Variants in MDH2 observed in about 807,000 individuals in gnomAD.
MDH2 encodes the protein malate dehydrogenase, mitochondrial.
A neutral mutation model predicts 33.6 loss-of-function variants in MDH2; 25 were observed. That is an observed-to-expected ratio of 0.74 (90% confidence interval 0.54 to 1.04). The LOEUF (loss-of-function observed/expected upper bound fraction) is 1.04, where lower values mean the gene tolerates loss of function less well. MDH2 is among the 50% of genes least tolerant of loss of function. The pLI is 0.00. For synonymous variants in MDH2, 193 were observed against 188.7 expected (o/e 1.02, Z -0.19); for missense variants, 432 against 445.0 (o/e 0.97, Z 0.26).
At position 76,060,448 on chromosome 7, in the gene MDH2, G is replaced by T; in HGVS notation, c.505G>T (p.Val169Leu). 6.2e-7 allele frequency: 1 copy of T among 1,614,126 alleles called. No homozygotes were observed. The change falls in exon 5 of 9, where the codon GTG becomes TTG. Residue 169 changes from valine (V) to leucine (L), a missense_variant. By Grantham distance (32) the Val-to-Leu change is conservative (BLOSUM62 1). Transcript: ENST00000315758. ...GTACAACCCCAACAAAATCTTCGGCGTGACGACCCTGGACATCGTCAGAGC... is the reference window on the plus strand; with the variant it reads ...GTACAACCCCAACAAAATCTTCGGCTTGACGACCCTGGACATCGTCAGAGC... ...GVYNPNKIFG[V>L]TTLDIVRANT...
intron 1 of MDH2, among the ~76,000 whole-genome samples, chr7:76,050,899 T>C (rs1797603799): frequency 6.6e-6 from 1 of 152,172 alleles, no homozygotes; most frequent in African/African-American, 2.4e-5. Context: ...TTTTATTTAT[T>C]TACTGAGAGT....
intron 7 of MDH2, 117 bp from the exon 8 acceptor site, chr7:76,064,681 GCTGA>G: frequency 8.5e-7 from 1 of 1,171,348 alleles, no homozygotes; most frequent in Non-Finnish European, 1.2e-6. Flanking sequence ...AAATCGGGGT[GCTGA>G]CTGAAATTCT....
intron 1 of MDH2, chr7:76,049,195 C>A: frequency 1.3e-6 from 1 of 792,966 alleles, no homozygotes; most frequent in Non-Finnish European, 1.5e-6. Context: ...TTGATGGCTA[C>A]TTCCCATACC....
intron 7 of MDH2, 52 bp from the exon 8 acceptor site, chr7:76,064,750 T>C: frequency 1.3e-6 from 2 of 1,553,746 alleles, no homozygotes. Flanking sequence ...CCGGCTCACC[T>C]GGGCGTCACG....
chr7:76,064,310 A>G, intron 6 of MDH2, 29 bp from the exon 7 acceptor site: 1 of 1,581,270 alleles, frequency 6.3e-7, no homozygotes. Context: ...GCCGGAAGCC[A>G]CTCACTGATC....
chr7:76,053,075 C>G (rs1797670527), intron 1 of MDH2, among the ~76,000 whole-genome samples: 1 of 152,242 alleles, frequency 6.6e-6, no homozygotes, highest in African/African-American at 2.4e-5. Flanking sequence ...TGCTGAGTAC[C>G]TAAGTTAGAT....
Position 76,064,952 on chromosome 7 carries a change from G to C in MDH2, c.884G>C (p.Gly295Ala), listed in dbSNP as rs782048786. Residue 295 changes from glycine to alanine, a missense_variant and splice_region_variant, in exon 8 of 9, where the codon GGG becomes GCG. Coordinates refer to ENST00000315758, the MANE Select transcript of MDH2 (RefSeq NM_005918.4). ...CTYFSTPLLL[G>A]KKGIEKNLGI... ...TACTTCTCCACACCGCTGCTGCTTG[G>C]GGTACGTATCCAGGCGTGGGTCCTT... The C allele has an allele frequency of 2.5e-6, 4 of 1,614,096 alleles. No individual in the cohort carries two copies. The Admixed American group carries it at 6.7e-5, about 27-fold the overall frequency.
rs781786949 is a variant in MDH2 at position 76,048,206 on chromosome 7, A to G, written c.46A>G (p.Ser16Gly). The stretch of plus-strand genomic sequence containing the variant: ...GCCTGCCAGCGCTGCTCTCCGCCGC[A>G]GCTTCAGCACCTCGGCCCAGGTAGG... ...ARPASAALRR[S>G]FSTSAQNNAK... Residue 16 changes from serine (S) to glycine (G), a missense_variant, in exon 1 of 9, where the codon AGC becomes GGC. Ser to Gly is a moderately conservative substitution (Grantham distance 56). Transcript: ENST00000315758. 7.8e-6 allele frequency: 12 copies of G among 1,536,046 alleles called. No homozygotes were observed. The Admixed American group carries it at 2.3e-4, about 30-fold the overall frequency.
At chr7:76,051,295 G>A (rs1201865186) in intron 1 of MDH2, among the ~76,000 whole-genome samples, 4 of 151,890 alleles carry the variant, frequency 2.6e-5, no homozygotes, top group African/African-American at 7.3e-5. Flanking sequence ...TGAGCCCATG[G>A]TGCAGTGGTC....
In MDH2 at chr7:76,064,883, T is replaced by G; in HGVS notation, c.815T>G (p.Val272Gly). ...GATGCAATGAATGGAAAGGAAGGTG[T>G]TGTGGAATGTTCCTTCGTTAAGTCA... ...LVDAMNGKEG[V>G]VECSFVKSQE... The change falls in exon 8 of 9, where the codon GTT (valine) becomes GGT (glycine). Residue 272 changes from valine (V) to glycine (G), a missense_variant. Val to Gly is a moderately radical substitution (Grantham distance 109). Transcript: ENST00000315758. 6.2e-7 allele frequency: 1 copy of G among 1,614,138 alleles called. No homozygotes were observed. The highest frequency in any genetic ancestry group is 8.5e-7 in the Non-Finnish European group (1 of 1,180,020).
intron 1 of MDH2, chr7:76,048,767 C>A: frequency 1.6e-6 from 2 of 1,228,246 alleles, no homozygotes; most frequent in Non-Finnish European, 2.0e-6. Context: ...TCCTCTTAAC[C>A]TTTTTGGAGG....
At chr7:76,061,699 GC>G (rs1797955655) in intron 5 of MDH2, among the ~76,000 whole-genome samples, 2 of 151,616 alleles carry the variant, frequency 1.3e-5, no homozygotes, top group African/African-American at 4.8e-5. Flanking sequence ...ATGTCCAGAG[GC>G]CCCCGGGATT....
At chr7:76,048,287 C>G (rs1343443643) in intron 1 of MDH2, 61 bp downstream of exon 1, 10 of 1,508,504 alleles carry the variant, frequency 6.6e-6, no homozygotes, top group African/African-American at 2.8e-5. Flanking sequence ...ACGTGCGTCC[C>G]CGGTTCGCGG....
At chr7:76,054,392 C>A in intron 1 of MDH2, 1 of 197,654 alleles carries the variant, frequency 5.1e-6, no homozygotes, top group South Asian at 8.2e-5. Flanking sequence ...TGACAGTGTT[C>A]TCCCTGCTCC....
chr7:76,052,430 C>CG (rs1797653391), intron 1 of MDH2, among the ~76,000 whole-genome samples: 1 of 128,754 alleles, frequency 7.8e-6, no homozygotes, highest in African/African-American at 3.3e-5. Context: ...GACCCTATCT[C>CG]AAAAAAAAAA....
intron 6 of MDH2, 48 bp from the exon 7 acceptor site, chr7:76,064,291 G>C (rs1554587440): frequency 6.8e-7 from 1 of 1,476,520 alleles, no homozygotes; most frequent in Admixed American, 1.9e-5. Flanking sequence ...AGTGGGTCTG[G>C]GGTCATGGGC....
chr7:76,059,217 T>G (rs1367029242), intron 4 of MDH2, among the ~76,000 whole-genome samples: 1 of 152,232 alleles, frequency 6.6e-6, no homozygotes, highest in African/African-American at 2.4e-5. Flanking sequence ...GTGCTGGGAT[T>G]ACAGGCATGA....
intron 1 of MDH2, among the ~76,000 whole-genome samples, chr7:76,049,830 C>G (rs1380896470): frequency 1.3e-5 from 2 of 151,964 alleles, no homozygotes; most frequent in East Asian, 3.9e-4. Flanking sequence ...GAAGAGGGTA[C>G]CAATTTTATT....
chr7:76,055,952 C>T (rs182054852), intron 2 of MDH2, among the ~76,000 whole-genome samples: 3 of 151,766 alleles, frequency 2.0e-5, no homozygotes, highest in Admixed American at 1.3e-4. Flanking sequence ...CTCAACCTCC[C>T]GAGTAGCTGG....
Sources: gnomAD v4.1 joint callset for allele counts (sites outside exome capture counted in the v4.1 genomes callset) on GRCh38, gnomAD v4.1.1 for gene constraint, MANE v1.5 for transcripts, NCBI Gene and HGNC (gene_info 2026-07-23, HGNC 2026-07-21) for gene names.